CLYBL: variants seen among roughly 807,000 people sequenced by gnomAD.
CLYBL encodes citramalyl-CoA lyase.
Under a neutral mutation model 38.9 loss-of-function variants are expected in CLYBL, and 31 were observed. That is an observed-to-expected ratio of 0.80 (90% CI 0.60 to 1.08). The LOEUF (loss-of-function observed/expected upper bound fraction) is 1.08, where lower values mean the gene tolerates loss of function less well. CLYBL is among the 50% of genes least tolerant of loss of function. The pLI is 0.00. For missense variants in CLYBL, 434 were observed against 411.6 expected (o/e 1.05, Z -0.47); for synonymous variants, 171 against 158.6 (o/e 1.08, Z -0.59).
intron 2 of CLYBL, among the ~76,000 whole-genome samples, chr13:99,829,220 A>C (rs1280678055): frequency 6.6e-6 from 1 of 152,224 alleles, no homozygotes. Flanking sequence ...ACCTCTTGTG[A>C]ATAGGCACCG....
intron 2 of CLYBL, among the ~76,000 whole-genome samples, chr13:99,812,998 A>G (rs2050372515): frequency 6.6e-6 from 1 of 152,156 alleles, no homozygotes; most frequent in Non-Finnish European, 1.5e-5. Flanking sequence ...GCATCTGTTC[A>G]CTCATCTAAA....
chr13:99,625,139 G>A (rs985736275), intron 1 of CLYBL, among the ~76,000 whole-genome samples: 26 of 152,162 alleles, frequency 1.7e-4, no homozygotes, highest in African/African-American at 6.0e-4. Flanking sequence ...CGGAGTCCCC[G>A]ACTTGGGAGT....
chr13:99,687,269 G>A (rs886899628), intron 1 of CLYBL, among the ~76,000 whole-genome samples: 5 of 152,198 alleles, frequency 3.3e-5, no homozygotes, highest in South Asian at 2.1e-4. Flanking sequence ...GGTATGAAGC[G>A]GGAAACCTTT....
chr13:99,681,824 G>A (rs1340807246), intron 1 of CLYBL, among the ~76,000 whole-genome samples: 1 of 152,028 alleles, frequency 6.6e-6, no homozygotes, highest in Non-Finnish European at 1.5e-5. Context: ...GACCTCAAGT[G>A]ATCCACCTGT....
At chr13:99,819,458 ATATATATAT>A (rs1566340255) in intron 2 of CLYBL, among the ~76,000 whole-genome samples, 1,755 of 41,138 alleles carry the variant, frequency 0.043, 83 homozygotes, top group African/African-American at 0.082. Flanking sequence ...ATATATATAT[ATATATATAT>A]AATATTTGTC....
intron 2 of CLYBL, among the ~76,000 whole-genome samples, chr13:99,800,859 G>A (rs777132676): frequency 1.3e-5 from 2 of 149,336 alleles, no homozygotes; most frequent in African/African-American, 2.5e-5. Context: ...GGGCGGCAGA[G>A]TGAGACCCTG....
At chr13:99,738,569 G>A (rs1051179769) in intron 1 of CLYBL, among the ~76,000 whole-genome samples, 5 of 152,148 alleles carry the variant, frequency 3.3e-5, no homozygotes, top group African/African-American at 1.2e-4. Context: ...GTGCAGCCAC[G>A]GAAAAGGCCT....
intron 1 of CLYBL, among the ~76,000 whole-genome samples, chr13:99,743,401 A>G (rs1237232966): frequency 6.6e-6 from 1 of 152,198 alleles, no homozygotes; most frequent in African/African-American, 2.4e-5. Flanking sequence ...AAAGAAATAC[A>G]ATTAACAAAC....
intron 2 of CLYBL, among the ~76,000 whole-genome samples, chr13:99,854,026 G>C (rs2139177417): frequency 6.6e-6 from 1 of 151,954 alleles, no homozygotes; most frequent in South Asian, 2.1e-4. Flanking sequence ...TGTCGTTTTT[G>C]AATACGTGGC....
intron 1 of CLYBL, among the ~76,000 whole-genome samples, chr13:99,649,313 CAAT>C (rs1255936003): frequency 6.6e-6 from 1 of 152,150 alleles, no homozygotes; most frequent in Non-Finnish European, 1.5e-5. Flanking sequence ...TAGCATAAGA[CAAT>C]GATGTGGGGA....
intron 8 of CLYBL, among the ~76,000 whole-genome samples, chr13:99,904,710 T>TA (rs2052677121): frequency 1.3e-5 from 2 of 152,334 alleles, no homozygotes; most frequent in South Asian, 4.1e-4. Flanking sequence ...AGCATATAAG[T>TA]AAAAAGCAGT....
At chr13:99,828,197 A>G (rs1383695706) in intron 2 of CLYBL, among the ~76,000 whole-genome samples, 1 of 152,208 alleles carries the variant, frequency 6.6e-6, no homozygotes, top group Non-Finnish European at 1.5e-5. Flanking sequence ...CAAAAACTCT[A>G]TAGAGGGGAA....
At chr13:99,828,099 A>G (rs1159046547) in intron 2 of CLYBL, among the ~76,000 whole-genome samples, 1 of 152,180 alleles carries the variant, frequency 6.6e-6, no homozygotes, top group South Asian at 2.1e-4. Context: ...ATATGTATTT[A>G]TTTTCAAAGA....
chr13:99,852,506 T>C (rs1459485812), intron 2 of CLYBL, among the ~76,000 whole-genome samples: 1 of 152,226 alleles, frequency 6.6e-6, no homozygotes. Flanking sequence ...GTGAACTTTA[T>C]CTCATTAAAG....
chr13:99,700,954 G>A lies in CLYBL; in HGVS notation c.63-71870G>A, dbSNP rs543631360. On this transcript the variant is annotated intron_variant, in intron 1 of 8. Transcript: ENST00000339105. Reference sequence around the variant, plus strand: ...TGATTGTCAAGATTTCTTCGTCGATGTCAGTTTTCCAGTGTGAATTTTTCC... The same window carrying A: ...TGATTGTCAAGATTTCTTCGTCGATATCAGTTTTCCAGTGTGAATTTTTCC... Among the ~76,000 whole-genome samples the A allele has an allele frequency of 3.3e-5, 5 of 152,284 alleles. No individual in the cohort carries two copies. In the East Asian group the frequency reaches 9.7e-4, roughly 29 times the overall value.
chr13:99,900,885 C>T (rs2052634359), downstream of CLYBL, among the ~76,000 whole-genome samples: 1 of 152,240 alleles, frequency 6.6e-6, no homozygotes, highest in Non-Finnish European at 1.5e-5. Context: ...ATTCAAACAA[C>T]CAGTCATCAA....
At chr13:99,853,429 C>T (rs1319002190) in intron 2 of CLYBL, among the ~76,000 whole-genome samples, 1 of 152,180 alleles carries the variant, frequency 6.6e-6, no homozygotes, top group Non-Finnish European at 1.5e-5. Flanking sequence ...AAACAGGGTG[C>T]CTGGCATGTA....
chr13:99,738,290 T>C (rs2048698532), intron 1 of CLYBL, among the ~76,000 whole-genome samples: 2 of 152,238 alleles, frequency 1.3e-5, no homozygotes, highest in South Asian at 4.1e-4. Context: ...TGTGTATTTG[T>C]ACTGATCAGA....
In CLYBL at chr13:99,772,821, C is replaced by G. The variant is rs754434945; in HGVS notation, c.63-3C>G. On this transcript the variant is annotated splice_region_variant and splice_polypyrimidine_tract_variant and intron_variant, in intron 1 of 8. Transcript: ENST00000339105. Reference sequence around the variant, plus strand: ...GGACTAACCCCAATCACGTGTCTTGCAGGAAAGCGTCTCTAGCAGCTGATA... The same window carrying G: ...GGACTAACCCCAATCACGTGTCTTGGAGGAAAGCGTCTCTAGCAGCTGATA... 1.3e-6 allele frequency: 2 copies of G among 1,584,094 alleles called. No homozygotes were observed. The highest frequency in any genetic ancestry group is 2.7e-5 in the African/African-American group (2 of 73,118).
Sources: gnomAD v4.1 joint callset for allele counts (sites outside exome capture counted in the v4.1 genomes callset) on GRCh38, gnomAD v4.1.1 for gene constraint, MANE v1.5 for transcripts, NCBI Gene and HGNC (gene_info 2026-07-23, HGNC 2026-07-21) for gene names.